Variants in CAMK1D observed in about 807,000 individuals in gnomAD.
CAMK1D encodes calcium/calmodulin dependent protein kinase ID.
In CAMK1D, 9 loss-of-function variants were observed where a neutral mutation model predicts 47.7. The ratio of observed to expected loss-of-function variants is 0.19; its 90% CI spans 0.11 to 0.33. CAMK1D has a LOEUF of 0.33. Ranked by LOEUF, CAMK1D falls within the 10% of genes least tolerant of loss-of-function variation. The pLI is 1.00. For synonymous variants in CAMK1D, 184 were observed against 184.9 expected (o/e 0.99, Z 0.04); for missense variants, 291 against 488.7 (o/e 0.60, Z 3.81).
chr10:12,531,480 C>T (rs1215507385), intron 1 of CAMK1D, among the ~76,000 whole-genome samples: 1 of 152,172 alleles, frequency 6.6e-6, no homozygotes, highest in Non-Finnish European at 1.5e-5. Flanking sequence ...TGTCTGTGAA[C>T]AAAGTCCAAT....
intron 1 of CAMK1D, among the ~76,000 whole-genome samples, chr10:12,418,501 G>T (rs1358751346): frequency 1.3e-5 from 2 of 152,140 alleles, no homozygotes; most frequent in African/African-American, 4.8e-5. Flanking sequence ...CTAGCTACTG[G>T]GGAGGCTGAG....
At chr10:12,753,609 C>A (rs1836088724) in intron 3 of CAMK1D, among the ~76,000 whole-genome samples, 1 of 152,192 alleles carries the variant, frequency 6.6e-6, no homozygotes, top group African/African-American at 2.4e-5. Flanking sequence ...ACCCTTCTGC[C>A]CGGAATGCTT....
In CAMK1D at chr10:12,421,511, C is replaced by CTTTTTTTTT. The variant is rs71384322; in HGVS notation, c.92+71625_92+71633dup. Among the ~76,000 whole-genome samples the CTTTTTTTTT allele has an allele frequency of 7.9e-4, 40 of 50,750 alleles. 4 individuals carry two copies. Among genetic ancestry groups the CTTTTTTTTT allele is most frequent in the South Asian group, 1.3e-3 (1 of 770 alleles). 33.3% of individuals were successfully genotyped at this position (50,750 alleles called of 152,430 possible). Reference sequence around the variant, plus strand: ...CATGCTGGGCCATTTATCCAGGATTCTTTTTTTTTTTTTTTTTTTTTTTTT... The same window carrying CTTTTTTTTT: ...CATGCTGGGCCATTTATCCAGGATTCTTTTTTTTTTTTTTTTTTTTTTTTTTTTTTTTTT... On this transcript the variant is annotated intron_variant, in intron 1 of 10. Coordinates refer to ENST00000619168, the MANE Select transcript of CAMK1D (RefSeq NM_153498.4).
At chr10:12,509,653 A>G (rs11595367) in intron 1 of CAMK1D, among the ~76,000 whole-genome samples, 61,579 of 151,964 alleles carry the variant, frequency 0.41, 13,061 homozygotes, top group South Asian at 0.48. Context: ...CAGGAAGCTG[A>G]GGTGGGAGGA....
In CAMK1D at chr10:12,529,088, T is replaced by C. The variant is rs573951465; in HGVS notation, c.93-24137T>C. 4.6e-5 allele frequency among the ~76,000 whole-genome samples: 7 copies of C among 152,264 alleles called. No homozygotes were observed. The South Asian group carries it at 1.2e-3, about 27-fold the overall frequency. The stretch of plus-strand genomic sequence containing the variant: ...CCTGGGCTCAAGCAATCCACCCGTC[T>C]TGGTCTCCCAAAGTGCTGAGATTAC... On this transcript the variant is annotated intron_variant, in intron 1 of 10. Transcript: ENST00000619168.
chr10:12,667,635 A>G (rs1482000820), intron 3 of CAMK1D, among the ~76,000 whole-genome samples: 1 of 152,234 alleles, frequency 6.6e-6, no homozygotes, highest in Admixed American at 6.5e-5. Context: ...ACATCATAAG[A>G]TTAAGTTTAA....
At chr10:12,412,483 C>G (rs1326537123) in intron 1 of CAMK1D, among the ~76,000 whole-genome samples, 1 of 146,474 alleles carries the variant, frequency 6.8e-6, no homozygotes, top group East Asian at 2.0e-4. Context: ...ATTAGCCAGG[C>G]GTGGCGGCAC....
chr10:12,714,569 A>T (rs1468579132), intron 3 of CAMK1D, among the ~76,000 whole-genome samples: 1 of 152,186 alleles, frequency 6.6e-6, no homozygotes, highest in South Asian at 2.1e-4. Flanking sequence ...AATACAAAAA[A>T]TTAGCTGGGC....
intron 2 of CAMK1D, among the ~76,000 whole-genome samples, chr10:12,656,026 ATTGT>A (rs1208519177): frequency 6.6e-6 from 1 of 152,150 alleles, no homozygotes; most frequent in Non-Finnish European, 1.5e-5. Flanking sequence ...AGATTCATTG[ATTGT>A]TAGAGTTGGA....
At chr10:12,734,680 A>T (rs1197759063) in intron 3 of CAMK1D, among the ~76,000 whole-genome samples, 1 of 151,698 alleles carries the variant, frequency 6.6e-6, no homozygotes, top group Non-Finnish European at 1.5e-5. Flanking sequence ...CCAAGTCCAG[A>T]CAACTTCATG....
At chr10:12,603,459 T>C (rs1838364717) in intron 2 of CAMK1D, among the ~76,000 whole-genome samples, 1 of 152,166 alleles carries the variant, frequency 6.6e-6, no homozygotes, top group African/African-American at 2.4e-5. Flanking sequence ...TTGTGTGTCA[T>C]TACCTCTCCA....
At position 12,612,339 on chromosome 10, in the gene CAMK1D, C is replaced by CTT. The variant is rs11333936; in HGVS notation, c.225-54378_225-54377dup. Among the ~76,000 whole-genome samples the CTT allele has an allele frequency of 1.1e-3, 138 of 121,670 alleles. 2 individuals carry two copies. Among genetic ancestry groups the CTT allele is most frequent in the Middle Eastern group, 4.4e-3 (1 of 228 alleles). The allele number at this position is 121,670 out of a possible 152,430, so 79.8% of individuals were successfully genotyped here. ...AAATTGGGCTTTAATTAATTAATTACTTTTTTTTTTTTTTTTTTTTGAGAC... is the reference window on the plus strand; with the variant it reads ...AAATTGGGCTTTAATTAATTAATTACTTTTTTTTTTTTTTTTTTTTTTGAGAC... On this transcript the variant is annotated intron_variant, in intron 2 of 10. Transcript: ENST00000619168.
intron 1 of CAMK1D, chr10:12,416,126 A>G (rs186542399): frequency 5.9e-5 from 9 of 152,300 alleles, no homozygotes; most frequent in African/African-American, 2.2e-4. Context: ...AAGGTGGTAT[A>G]TAGAATTCAC....
chr10:12,666,033 C>T (rs866345925), intron 2 of CAMK1D, among the ~76,000 whole-genome samples: 1 of 152,182 alleles, frequency 6.6e-6, no homozygotes, highest in Non-Finnish European at 1.5e-5. Flanking sequence ...AACTTGTGTA[C>T]TCTGTGCTTG....
chr10:12,565,642 G>C (rs1361978967), intron 2 of CAMK1D, among the ~76,000 whole-genome samples: 2 of 152,184 alleles, frequency 1.3e-5, no homozygotes, highest in East Asian at 3.8e-4. Flanking sequence ...TTTAAAGTTA[G>C]CAACAAGTGA....
chr10:12,548,323 G>A (rs1029463439), intron 1 of CAMK1D, among the ~76,000 whole-genome samples: 8 of 151,812 alleles, frequency 5.3e-5, no homozygotes, highest in African/African-American at 1.9e-4. Flanking sequence ...GAGTGAAAAG[G>A]TTTATCTAGT....
intron 1 of CAMK1D, among the ~76,000 whole-genome samples, chr10:12,406,124 T>G (rs1839415668): frequency 6.6e-6 from 1 of 152,128 alleles, no homozygotes. Context: ...CTCATTGTGT[T>G]TCTCAGTGGC....
At chr10:12,634,601 C>T (rs1053199033) in intron 2 of CAMK1D, among the ~76,000 whole-genome samples, 12 of 152,322 alleles carry the variant, frequency 7.9e-5, no homozygotes, top group Admixed American at 7.8e-4. Context: ...CTGTCAGATG[C>T]CATCCATGTA....
intron 4 of CAMK1D, among the ~76,000 whole-genome samples, chr10:12,764,886 A>G (rs1208163789): frequency 6.6e-6 from 1 of 152,218 alleles, no homozygotes; most frequent in African/African-American, 2.4e-5. Flanking sequence ...GCCTGAGGTC[A>G]GGAGTTTGAG....
Sources: allele counts gnomAD v4.1 joint callset (sites outside exome capture counted in the v4.1 genomes callset), GRCh38; gene constraint gnomAD v4.1.1; transcripts MANE v1.5; gene names NCBI Gene and HGNC (gene_info 2026-07-23, HGNC 2026-07-21).